The following PLCG2 variants were observed in gnomAD, a reference collection of about 807,000 sequenced individuals.
PLCG2 encodes the protein 1-phosphatidylinositol 4,5-bisphosphate phosphodiesterase gamma-2.
Under a neutral mutation model 175.6 loss-of-function variants are expected in PLCG2, and 69 were observed. The observed-to-expected ratio is 0.39, with a 90% CI of 0.32 to 0.48. The LOEUF is 0.48. Ranked by LOEUF, PLCG2 falls within the 20% of genes least tolerant of loss-of-function variation. The pLI, the probability that PLCG2 is intolerant of heterozygous loss-of-function variation, is 0.91. For synonymous variants in PLCG2, 827 were observed against 624.0 expected (o/e 1.33, Z -4.85); for missense variants, 1,798 against 1,650.9 (o/e 1.09, Z -1.54).
intron 2 of PLCG2, among the ~76,000 whole-genome samples, chr16:81,772,127 G>T (rs1910294397): frequency 6.6e-6 from 1 of 152,168 alleles, no homozygotes; most frequent in African/African-American, 2.4e-5. Context: ...AGGATCTCAA[G>T]ATGAGAACAT....
chr16:81,891,182 AC>A (rs1908613832), intron 10 of PLCG2, among the ~76,000 whole-genome samples: 1 of 152,146 alleles, frequency 6.6e-6, no homozygotes, highest in South Asian at 2.1e-4. Context: ...AGAAAGAAAA[AC>A]CAACAACAAT....
In PLCG2 at chr16:81,781,960, C is replaced by T. The variant is rs893568897; in HGVS notation, c.-48+2536C>T. On this transcript the variant is annotated intron_variant, in intron 1 of 32. Coordinates refer to ENST00000564138, the MANE Select transcript of PLCG2 (RefSeq NM_002661.5). Reference sequence around the variant, plus strand: ...GATCTCGGCTCACTGCAAGCTCCGCCTCCCGGGTTCACGCCTTTCTCCTGC... The same window carrying T: ...GATCTCGGCTCACTGCAAGCTCCGCTTCCCGGGTTCACGCCTTTCTCCTGC... Among the ~76,000 whole-genome samples, 5 of 150,706 alleles carry T rather than the reference C, an allele frequency of 3.3e-5. No individual in the cohort carries two copies. The East Asian group carries it at 1.0e-3, about 30-fold the overall frequency.
intron 24 of PLCG2, among the ~76,000 whole-genome samples, chr16:81,930,399 T>C (rs3923153): frequency 0.23 from 35,367 of 152,090 alleles, 4,272 homozygotes; most frequent in Non-Finnish European, 0.26. Flanking sequence ...GGCTGCATTC[T>C]TCAGTCTCCA....
At chr16:81,871,031 A>T in intron 7 of PLCG2, 96 bp downstream of exon 7, 1 of 629,286 alleles carries the variant, frequency 1.6e-6, no homozygotes, top group Non-Finnish European at 2.8e-6. Flanking sequence ...AGAAGTGTTG[A>T]ATCTCCATTT....
At chr16:81,885,224 A>T (rs1007551718) in intron 9 of PLCG2, among the ~76,000 whole-genome samples, 1 of 152,116 alleles carries the variant, frequency 6.6e-6, no homozygotes, top group Non-Finnish European at 1.5e-5. Context: ...GGGTTTCACA[A>T]TGTTGGTCAG....
At chr16:81,925,264 G>GGT (rs1309702719) in intron 22 of PLCG2, among the ~76,000 whole-genome samples, 3 of 152,154 alleles carry the variant, frequency 2.0e-5, no homozygotes, top group African/African-American at 7.2e-5. Context: ...GGGCCGCCTG[G>GGT]GTGAAACCGG....
upstream of PLCG2, among the ~76,000 whole-genome samples, chr16:81,778,552 A>G (rs1370073182): frequency 6.6e-6 from 1 of 152,218 alleles, no homozygotes; most frequent in East Asian, 1.9e-4. Flanking sequence ...TTCTTAAAGA[A>G]CATATTAGCT....
At chr16:81,751,555 G>A in intron 1 of PLCG2, among the ~76,000 whole-genome samples, 1 of 152,130 alleles carries the variant, frequency 6.6e-6, no homozygotes, top group South Asian at 2.1e-4. Flanking sequence ...CTATTGTATG[G>A]CGTGGTAAAT....
intron 1 of PLCG2, 141 bp from the exon 2 acceptor site, chr16:81,785,802 C>G (rs570773713): frequency 1.7e-6 from 1 of 573,488 alleles, no homozygotes; most frequent in Non-Finnish European, 3.1e-6. Flanking sequence ...GAGTGGCCAG[C>G]GATGCCTTGC....
At position 81,927,122 on chromosome 16, in the gene PLCG2, C is replaced by G; in HGVS notation, c.2458C>G (p.Pro820Ala). 6.2e-7 allele frequency: 1 copy of G among 1,613,920 alleles called. No homozygotes were observed. The highest frequency in any genetic ancestry group is 8.5e-7 in the Non-Finnish European group (1 of 1,179,808). Residue 820 changes from proline to alanine, a missense_variant, in exon 23 of 33, where the codon CCA becomes GCA. By Grantham distance (27) the Pro-to-Ala change is conservative (BLOSUM62 -1). Coordinates refer to ENST00000564138, the MANE Select transcript of PLCG2 (RefSeq NM_002661.5). The stretch of plus-strand genomic sequence containing the variant: ...TGGAACCAGGATCCAGCAGTACTTC[C>G]CATCCAACTACGTCGAGGACATCTC... ...DYGTRIQQYF[P>A]SNYVEDISTA...
At chr16:81,773,676 A>G (rs1413740047) in intron 2 of PLCG2, among the ~76,000 whole-genome samples, 4 of 152,154 alleles carry the variant, frequency 2.6e-5, no homozygotes, top group African/African-American at 9.7e-5. Context: ...TGTAGTGACT[A>G]CTGAGTCAGC....
chr16:81,934,537 A>ATCTT lies in PLCG2; in HGVS notation c.2842+9_2842+12dup, dbSNP rs774363796. ...CAAAACCAAGGACAACTTAGGTAAC[A>ATCTT]TCTTTCCCAAGAACATGCCCTATAA... On this transcript the variant is annotated splice_region_variant and intron_variant, in intron 26 of 32. Transcript: ENST00000564138. 42 of 1,555,354 alleles carry ATCTT rather than the reference A, an allele frequency of 2.7e-5. No individual in the cohort carries two copies. Among genetic ancestry groups the ATCTT allele is most frequent in the Non-Finnish European group, 3.6e-5 (40 of 1,126,760 alleles).
chr16:81,940,512 C>T (rs937636779), intron 30 of PLCG2, among the ~76,000 whole-genome samples: 3 of 152,040 alleles, frequency 2.0e-5, no homozygotes, highest in Non-Finnish European at 2.9e-5. Context: ...CAGAATTCAC[C>T]TTCTTCTTCT....
intron 31 of PLCG2, among the ~76,000 whole-genome samples, chr16:81,949,128 GA>G (rs1911268745): frequency 1.3e-5 from 2 of 152,210 alleles, no homozygotes. Context: ...CCATGAGATG[GA>G]AAGAAAGGAA....
intron 19 of PLCG2, among the ~76,000 whole-genome samples, chr16:81,915,502 C>T (rs552404944): frequency 1.2e-4 from 19 of 152,214 alleles, no homozygotes; most frequent in Non-Finnish European, 2.4e-4. Flanking sequence ...ACTCGTATTC[C>T]AGACCTGTTC....
At chr16:81,813,715 G>A (rs1338211154) in intron 2 of PLCG2, among the ~76,000 whole-genome samples, 1 of 152,162 alleles carries the variant, frequency 6.6e-6, no homozygotes, top group Non-Finnish European at 1.5e-5. Flanking sequence ...TGGCCAGGCT[G>A]GAAGTTCCCA....
chr16:81,845,553 T>C (rs1053716417), intron 2 of PLCG2, among the ~76,000 whole-genome samples: 1 of 152,206 alleles, frequency 6.6e-6, no homozygotes, highest in African/African-American at 2.4e-5. Flanking sequence ...ACCTCATCAG[T>C]AGCGACACTG....
At chr16:81,915,036 C>G (rs1235116185) in intron 19 of PLCG2, among the ~76,000 whole-genome samples, 4 of 152,284 alleles carry the variant, frequency 2.6e-5, no homozygotes, top group African/African-American at 7.2e-5. Flanking sequence ...TTTTTCAAAC[C>G]CTCTCTGGTC....
At chr16:81,868,400 G>T (rs576028832) in intron 5 of PLCG2, among the ~76,000 whole-genome samples, 1 of 152,168 alleles carries the variant, frequency 6.6e-6, no homozygotes, top group Non-Finnish European at 1.5e-5. Context: ...GGGTGCAGGG[G>T]GTCCCCACTT....
Sources: allele counts gnomAD v4.1 joint callset (sites outside exome capture counted in the v4.1 genomes callset), GRCh38; gene constraint gnomAD v4.1.1; transcripts MANE v1.5; gene names NCBI Gene and HGNC (gene_info 2026-07-23, HGNC 2026-07-21).